SSH3: variants seen among roughly 807,000 people sequenced by gnomAD.
SSH3 encodes slingshot protein phosphatase 3.
In SSH3, 67 loss-of-function variants were observed where a neutral mutation model predicts 75.0. The observed-to-expected ratio is 0.89, with a 90% CI of 0.73 to 1.10. The LOEUF (loss-of-function observed/expected upper bound fraction) is 1.10. Among genes scored for constraint, SSH3 ranks in the 50% least tolerant of loss-of-function variants. The pLI is 0.00. For missense variants in SSH3, 824 were observed against 872.7 expected (o/e 0.94, Z 0.70); for synonymous variants, 318 against 349.2 (o/e 0.91, Z 1.00).
chr11:67,305,032 G>C (rs752542989), intron 3 of SSH3, 25 bp downstream of exon 3: 3 of 1,589,086 alleles, frequency 1.9e-6, no homozygotes, highest in Middle Eastern at 2.1e-4. Flanking sequence ...GGAGCTCCGG[G>C]GGGTGGGGGG....
rs1181016520 is a variant in SSH3, at chr11:67,307,561, G to C, written c.615G>C (p.Gln205His). The C allele has an allele frequency of 1.9e-6, 3 of 1,610,038 alleles. No homozygotes were observed. The Admixed American group carries it at 5.0e-5, about 27-fold the overall frequency. The part of the protein sequence containing the change: ...ISIQTMWATL[Q>H]VLHQACEAAL... Reference sequence around the variant, plus strand: ...CCTCCTGTCTCAGGGCCACACTCCAGGTATTGCACCAAGCATGTGAGGCAG... The same window carrying C: ...CCTCCTGTCTCAGGGCCACACTCCACGTATTGCACCAAGCATGTGAGGCAG... The change falls in exon 7 of 14, where the codon CAG becomes CAC. Residue 205 changes from glutamine to histidine, a missense_variant. Gln to His is a conservative substitution (Grantham distance 24, BLOSUM62 0). Transcript: ENST00000308127. This position sits in a 1 kb window ranked among gnomAD's most constrained non-coding sequence, Gnocchi z 4.2.
intron 2 of SSH3, 119 bp downstream of exon 2, chr11:67,304,274 C>A: frequency 1.2e-6 from 1 of 814,958 alleles, no homozygotes; most frequent in Non-Finnish European, 1.9e-6. Context: ...AAGCCCACTG[C>A]CAAATTTGTG....
In SSH3 at chr11:67,307,907, G is replaced by A. The variant is rs1861294733; in HGVS notation, c.853G>A (p.Val285Ile). The change falls in exon 8 of 14, where the codon GTC (valine) becomes ATC (isoleucine). Residue 285 changes from valine to isoleucine, a missense_variant. Transcript: ENST00000308127. This position sits in a 1 kb window ranked among gnomAD's most constrained non-coding sequence, Gnocchi z 4.2. ...TGCTGAGCTGTGGAAAGTGTTGGAT[G>A]TCAGTGACCTGGAGAGTGTCACTTC... ...IRAELWKVLD[V>I]SDLESVTSKE... The A allele has an allele frequency of 2.5e-6, 4 of 1,614,236 alleles. No homozygotes were observed. In the South Asian group the frequency reaches 3.3e-5, roughly 13 times the overall value.
intron 3 of SSH3, 23 bp from the exon 4 acceptor site, chr11:67,306,815 C>G (rs1196754126): frequency 6.3e-7 from 1 of 1,597,264 alleles, no homozygotes; most frequent in Non-Finnish European, 8.5e-7. Flanking sequence ...CACTGTGACC[C>G]TGGGTTCCTC....
At chr11:67,305,117 G>A (rs1028983443) in intron 3 of SSH3, 110 bp downstream of exon 3, 11 of 1,051,132 alleles carry the variant, frequency 1.0e-5, no homozygotes, top group African/African-American at 7.9e-5. Flanking sequence ...AGGGCAGGGG[G>A]CAGCCTGGGG....
Position 67,308,827 on chromosome 11 carries a change from C to T in SSH3, c.1061+369C>T, listed in dbSNP as rs998905537. ...ACTTGGGAGGCTGAGGCAGGAGGAT[C>T]GCTTGAGCCCTGGAGATTGAGGCCG... On this transcript the variant is annotated intron_variant, in intron 10 of 13. Transcript: ENST00000308127. The surrounding 1 kb of genome is among the most constrained non-coding windows in gnomAD (Gnocchi z 4.9). 6.6e-6 allele frequency among the ~76,000 whole-genome samples: 1 copy of T among 152,038 alleles called. No homozygotes were observed. The highest frequency in any genetic ancestry group is 1.5e-5 in the Non-Finnish European group (1 of 68,008).
Position 67,307,191 on chromosome 11 carries a change from A to G in SSH3, c.536+78A>G. On this transcript the variant is annotated intron_variant, in intron 5 of 13. Transcript: ENST00000308127. This position sits in a 1 kb window ranked among gnomAD's most constrained non-coding sequence, Gnocchi z 4.2. Reference sequence around the variant, plus strand: ...ACGGATGTGACGGGGCCTGGGCACCAGGGTACAGTAGAACTTTAGGCTGGG... The same window carrying G: ...ACGGATGTGACGGGGCCTGGGCACCGGGGTACAGTAGAACTTTAGGCTGGG... 6.3e-7 allele frequency: 1 copy of G among 1,582,326 alleles called. No individual in the cohort carries two copies. Among genetic ancestry groups the G allele is most frequent in the Non-Finnish European group, 8.6e-7 (1 of 1,164,208 alleles).
At position 67,303,701 on chromosome 11, in the gene SSH3, G is replaced by T. The variant is rs1436173136; in HGVS notation, c.66+10G>T. 5 of 1,481,842 alleles carry T rather than the reference G, an allele frequency of 3.4e-6. No homozygotes were observed. The South Asian group carries it at 6.4e-5, about 19-fold the overall frequency. 91.8% of individuals were successfully genotyped at this position (1,481,842 alleles called of 1,614,324 possible). A position where few individuals can be genotyped will look rare whatever the true frequency, so the allele number is the denominator to read the frequency against. On this transcript the variant is annotated intron_variant, in intron 1 of 13. Transcript: ENST00000308127. The stretch of plus-strand genomic sequence containing the variant: ...GCCCGTGGGGCCCTGGGTGAGTGTG[G>T]TCCGGCCGTGGTGCCGCCCACGCAG...
Position 67,309,755 on chromosome 11 carries a change from C to T in SSH3, c.1209-13C>T, listed in dbSNP as rs1440098513. 3.7e-6 allele frequency: 6 copies of T among 1,611,808 alleles called. No individual in the cohort carries two copies. Among genetic ancestry groups the T allele is most frequent in the Non-Finnish European group, 5.1e-6 (6 of 1,179,846 alleles). On this transcript the variant is annotated splice_polypyrimidine_tract_variant and intron_variant, in intron 11 of 13. Transcript: ENST00000308127. ...GGTGAGGGGAGGGTGCTGAACCTGGCCTGCTTCCACAGAGCACAGGGCACC... is the reference window on the plus strand; with the variant it reads ...GGTGAGGGGAGGGTGCTGAACCTGGTCTGCTTCCACAGAGCACAGGGCACC...
chr11:67,310,935 G>A (rs925280295), intron 13 of SSH3, among the ~76,000 whole-genome samples: 4 of 152,216 alleles, frequency 2.6e-5, no homozygotes, highest in African/African-American at 2.4e-5. Flanking sequence ...AGGAGTCTGC[G>A]CACTCACGCC....
In SSH3 at chr11:67,307,044, C is replaced by T; in HGVS notation, c.467C>T (p.Ser156Phe). The change falls in exon 5 of 14, where the codon TCC becomes TTC. Residue 156 changes from serine to phenylalanine, a missense_variant and splice_region_variant. By Grantham distance (155) the Ser-to-Phe change is radical. Coordinates refer to ENST00000308127, the MANE Select transcript of SSH3 (RefSeq NM_017857.4). The surrounding 1 kb of genome is among the most constrained non-coding windows in gnomAD (Gnocchi z 4.2). ...LLGVDFPDSS[S>F]PSCTLGLVLP... ...GCTTTCCCTCTGTCCCCTGCCAGCT[C>T]CCCCAGCTGCACCCTGGGCCTGGTC... 1 of 1,614,006 alleles carries T rather than the reference C, an allele frequency of 6.2e-7. No individual in the cohort carries two copies. Among genetic ancestry groups the T allele is most frequent in the South Asian group, 1.1e-5 (1 of 91,080 alleles).
chr11:67,304,679 A>C, intron 2 of SSH3, 94 bp from the exon 3 acceptor site: 2 of 1,284,532 alleles, frequency 1.6e-6, no homozygotes, highest in Non-Finnish European at 2.2e-6. Context: ...CCGTGTAGAC[A>C]AGGGCTGCAG....
intron 2 of SSH3, 140 bp downstream of exon 2, chr11:67,304,295 C>T (rs1283927254): frequency 4.3e-6 from 3 of 691,870 alleles, no homozygotes; most frequent in Non-Finnish European, 7.1e-6. Context: ...GGGCAGCGTT[C>T]CCGGTGGGGC....
rs140595699 is a variant in SSH3, at chr11:67,308,411, G to C, written c.1015-1G>C. 3 of 1,612,484 alleles carry C rather than the reference G, an allele frequency of 1.9e-6. No homozygotes were observed. The highest frequency in any genetic ancestry group is 2.5e-6 in the Non-Finnish European group (3 of 1,179,354). On this transcript the variant is annotated splice_acceptor_variant, in intron 9 of 13. Coordinates refer to ENST00000308127, the MANE Select transcript of SSH3 (RefSeq NM_017857.4). LOFTEE classifies it high-confidence loss of function. This position sits in a 1 kb window ranked among gnomAD's most constrained non-coding sequence, Gnocchi z 4.9. ...GAAATGTGCTGTTCCCTCTCTCCCAGGGCTCAGAGTGGAACGCAGCAAACC... is the reference window on the plus strand; with the variant it reads ...GAAATGTGCTGTTCCCTCTCTCCCACGGCTCAGAGTGGAACGCAGCAAACC...
In SSH3 at chr11:67,308,050, C is replaced by A; in HGVS notation, c.885+111C>A. ...TCCAGTCCTGAGCCATTCCTGGATG[C>A]CTTGGCCTTGGCCCTAATCCATCTA... On this transcript the variant is annotated intron_variant, in intron 8 of 13. Coordinates refer to ENST00000308127, the MANE Select transcript of SSH3 (RefSeq NM_017857.4). This position sits in a 1 kb window ranked among gnomAD's most constrained non-coding sequence, Gnocchi z 4.9. The A allele has an allele frequency of 1.3e-6, 2 of 1,589,110 alleles. No homozygotes were observed. Among genetic ancestry groups the A allele is most frequent in the Admixed American group, 1.7e-5 (1 of 57,990 alleles).
intron 3 of SSH3, 24 bp from the exon 4 acceptor site, chr11:67,306,814 C>G (rs1490952009): frequency 6.3e-7 from 1 of 1,596,296 alleles, no homozygotes; most frequent in Non-Finnish European, 8.5e-7. Context: ...CCACTGTGAC[C>G]CTGGGTTCCT....
chr11:67,308,381 G>A lies in SSH3; in HGVS notation c.1015-31G>A, dbSNP rs1253492025. On this transcript the variant is annotated intron_variant, in intron 9 of 13. Transcript: ENST00000308127. The surrounding 1 kb of genome is among the most constrained non-coding windows in gnomAD (Gnocchi z 4.9). ...CAGGCCAGGAGCAGAGGCTGGAGGA[G>A]AGGAGAAATGTGCTGTTCCCTCTCT... The A allele has an allele frequency of 6.2e-7, 1 of 1,613,876 alleles. No individual in the cohort carries two copies. Among genetic ancestry groups the A allele is most frequent in the Non-Finnish European group, 8.5e-7 (1 of 1,179,838 alleles).
chr11:67,309,658 C>T (rs1026192153), intron 11 of SSH3, 110 bp from the exon 12 acceptor site: 9 of 1,575,906 alleles, frequency 5.7e-6, no homozygotes, highest in African/African-American at 1.3e-5. Context: ...CAGTGTCCTT[C>T]CCTCCTTCTC....
rs1194058117 is a variant in SSH3, at chr11:67,307,082, A to G, written c.505A>G (p.Ser169Gly). The G allele has an allele frequency of 1.9e-6, 3 of 1,613,946 alleles. No individual in the cohort carries two copies. The East Asian group carries it at 6.7e-5, about 36-fold the overall frequency. The change falls in exon 5 of 14, where the codon AGT becomes GGT. Residue 169 changes from serine (S) to glycine (G), a missense_variant. Ser to Gly is a moderately conservative substitution (Grantham distance 56). Transcript: ENST00000308127. This position sits in a 1 kb window ranked among gnomAD's most constrained non-coding sequence, Gnocchi z 4.2. Reference sequence around the variant, plus strand: ...CCTGGGCCTGGTCTTGCCCCTCTGGAGTGACACCCAGGTGTACTTAGATGG... The same window carrying G: ...CCTGGGCCTGGTCTTGCCCCTCTGGGGTGACACCCAGGTGTACTTAGATGG... ...CTLGLVLPLW[S>G]DTQVYLDGDG...
Sources: allele counts gnomAD v4.1 joint callset (sites outside exome capture counted in the v4.1 genomes callset), GRCh38; gene constraint gnomAD v4.1.1; non-coding constraint Gnocchi (gnomAD v3.1); transcripts MANE v1.5; gene names NCBI Gene and HGNC (gene_info 2026-07-23, HGNC 2026-07-21).